KHDRBS2: variants seen among roughly 807,000 people sequenced by gnomAD.
The protein encoded by KHDRBS2 is KH domain-containing, RNA-binding, signal transduction-associated protein 2.
KHDRBS2 carries 26 observed loss-of-function variants against 44.3 expected under a neutral mutation model. The observed-to-expected ratio is 0.59, with a 90% confidence interval of 0.43 to 0.81. The LOEUF is 0.81. Ranked by LOEUF, KHDRBS2 falls within the 40% of genes least tolerant of loss-of-function variation. KHDRBS2 has a pLI of 0.00. For synonymous variants in KHDRBS2, 194 were observed against 151.1 expected (o/e 1.28, Z -2.08); for missense variants, 476 against 433.1 (o/e 1.10, Z -0.88).
chr6:61,722,248 G>A (rs946087237), intron 7 of KHDRBS2, among the ~76,000 whole-genome samples: 4 of 151,988 alleles, frequency 2.6e-5, no homozygotes, highest in Admixed American at 6.6e-5. Flanking sequence ...CTCTTTTTTG[G>A]TTGTGTCTCT....
At chr6:61,724,569 C>A (rs1773237839) in intron 7 of KHDRBS2, among the ~76,000 whole-genome samples, 1 of 152,116 alleles carries the variant, frequency 6.6e-6, no homozygotes, top group African/African-American at 2.4e-5. Flanking sequence ...AGAGACCCAT[C>A]TCATGTGCAA....
downstream of KHDRBS2, among the ~76,000 whole-genome samples, chr6:61,675,791 CTAATCTGATTTGTTTATT>C (rs1366490847): frequency 6.6e-6 from 1 of 151,700 alleles, no homozygotes; most frequent in Non-Finnish European, 1.5e-5. Context: ...TAGTTTTTAG[CTAATCTGATTTGTTTATT>C]TAATTTGATT....
At chr6:61,804,040 G>GC (rs1183033385) in intron 6 of KHDRBS2, among the ~76,000 whole-genome samples, 3 of 151,896 alleles carry the variant, frequency 2.0e-5, no homozygotes, top group Non-Finnish European at 4.4e-5. Flanking sequence ...CTTCCCAATA[G>GC]CCCCCCAAAG....
At chr6:62,179,845 T>C (rs1426856736) in intron 1 of KHDRBS2, among the ~76,000 whole-genome samples, 3 of 151,926 alleles carry the variant, frequency 2.0e-5, no homozygotes, top group Admixed American at 1.3e-4. Flanking sequence ...ATTCTACAAT[T>C]TTCTTCTGAA....
the KHDRBS2 span, among the ~76,000 whole-genome samples, chr6:61,654,962 C>A: frequency 6.6e-6 from 1 of 151,652 alleles, no homozygotes; most frequent in Non-Finnish European, 1.5e-5. Context: ...AGGGTACTTA[C>A]CCCCAAATCC....
At chr6:62,058,442 C>A (rs1790812988) in intron 2 of KHDRBS2, among the ~76,000 whole-genome samples, 1 of 151,898 alleles carries the variant, frequency 6.6e-6, no homozygotes, top group Non-Finnish European at 1.5e-5. Context: ...TGGGAATTCA[C>A]ACAGCGACTG....
At chr6:61,694,863 T>A (rs1382320743) in intron 8 of KHDRBS2, among the ~76,000 whole-genome samples, 1 of 152,206 alleles carries the variant, frequency 6.6e-6, no homozygotes, top group African/African-American at 2.4e-5. Context: ...TGTATTTCTG[T>A]GAAATAATTT....
intron 6 of KHDRBS2, among the ~76,000 whole-genome samples, chr6:61,861,318 G>T (rs973122651): frequency 5.9e-5 from 9 of 152,016 alleles, no homozygotes; most frequent in Non-Finnish European, 1.0e-4. Flanking sequence ...GTAATGCCTG[G>T]GTTTTCTTCC....
At chr6:62,202,906 A>C (rs1447653829) in intron 1 of KHDRBS2, among the ~76,000 whole-genome samples, 2 of 152,158 alleles carry the variant, frequency 1.3e-5, no homozygotes, top group Non-Finnish European at 2.9e-5. Context: ...ATGTGTGATC[A>C]GCTTATGGCA....
chr6:61,656,042 A>G, the KHDRBS2 span, among the ~76,000 whole-genome samples: 1 of 152,122 alleles, frequency 6.6e-6, no homozygotes, highest in African/African-American at 2.4e-5. Flanking sequence ...ACAAAATTCA[A>G]GATGATGCCT....
intron 4 of KHDRBS2, among the ~76,000 whole-genome samples, chr6:61,970,577 T>A (rs1417301537): frequency 6.6e-6 from 1 of 152,142 alleles, no homozygotes; most frequent in East Asian, 1.9e-4. Flanking sequence ...CTGTGAGAAC[T>A]CTGAACACAT....
chr6:61,662,563 A>C, the KHDRBS2 span, among the ~76,000 whole-genome samples: 1 of 152,068 alleles, frequency 6.6e-6, no homozygotes, highest in African/African-American at 2.4e-5. Context: ...AAAAAAAACA[A>C]ACAACCCCAT....
intron 2 of KHDRBS2, among the ~76,000 whole-genome samples, chr6:62,164,564 T>C (rs151049512): frequency 6.6e-6 from 1 of 151,858 alleles, no homozygotes; most frequent in East Asian, 1.9e-4. Flanking sequence ...CTGTCTTACA[T>C]TTATTTATAT....
the KHDRBS2 span, among the ~76,000 whole-genome samples, chr6:61,628,698 C>T: frequency 2.9e-4 from 44 of 152,264 alleles, no homozygotes; most frequent in Middle Eastern, 6.8e-3. Context: ...AGGGATAGCT[C>T]TCACTTCTGA....
chr6:61,665,859 G>A, the KHDRBS2 span, among the ~76,000 whole-genome samples: 4 of 150,816 alleles, frequency 2.7e-5, no homozygotes, highest in Admixed American at 6.6e-5. Flanking sequence ...AATAGATGGT[G>A]CTTAGTTCTG....
intron 1 of KHDRBS2, among the ~76,000 whole-genome samples, chr6:62,270,839 C>T (rs1483603633): frequency 6.6e-6 from 1 of 152,000 alleles, no homozygotes; most frequent in Non-Finnish European, 1.5e-5. Flanking sequence ...TTGGTAAGAA[C>T]CTATGTCATA....
Position 61,977,240 on chromosome 6 carries a change from ACT to A in KHDRBS2, c.483+824_483+825del, listed in dbSNP as rs374400553. ...TAGCTGTGTGCTTTCTCTGTTGAAG[ACT>A]CTGCCAGACGCTCCAGAAAACTGTA... is the stretch of plus-strand genomic sequence containing the variant. On this transcript the variant is annotated intron_variant, in intron 4 of 8. Transcript: ENST00000281156. 3.9e-4 allele frequency among the ~76,000 whole-genome samples: 60 copies of A among 152,122 alleles called. 1 individual carries two copies. In the East Asian group the frequency reaches 0.011, roughly 28 times the overall value.
At chr6:61,995,133 T>C (rs973800837) in intron 3 of KHDRBS2, among the ~76,000 whole-genome samples, 8 of 152,126 alleles carry the variant, frequency 5.3e-5, no homozygotes, top group African/African-American at 1.9e-4. Flanking sequence ...AAGCACTATA[T>C]TATGTATAAT....
chr6:62,230,759 T>A (rs561960998), intron 1 of KHDRBS2, among the ~76,000 whole-genome samples: 1 of 152,348 alleles, frequency 6.6e-6, no homozygotes, highest in Admixed American at 6.5e-5. Context: ...CCAACTATGA[T>A]GTTTCAGCTT....
Sources: allele counts gnomAD v4.1 joint callset (sites outside exome capture counted in the v4.1 genomes callset), GRCh38; gene constraint gnomAD v4.1.1; transcripts MANE v1.5; gene names NCBI Gene and HGNC (gene_info 2026-07-23, HGNC 2026-07-21).